The following RGS8 variants were observed in gnomAD, a reference collection of about 807,000 sequenced individuals.
RGS8 encodes regulator of G protein signaling 8, also known as regulator of G-protein signaling 8.
A neutral mutation model predicts 21.7 loss-of-function variants in RGS8; 8 were observed. The ratio of observed to expected loss-of-function variants is 0.37; its 90% CI spans 0.22 to 0.66. The LOEUF (loss-of-function observed/expected upper bound fraction) is 0.66. Ranked by LOEUF, RGS8 falls within the 30% of genes least tolerant of loss-of-function variation. The probability of loss-of-function intolerance (pLI) is 0.59; values close to 1 mark genes in which losing one functional copy is unlikely to be tolerated. For synonymous variants in RGS8, 80 were observed against 83.6 expected, an observed-to-expected ratio of 0.96 and a Z score of 0.24; for missense variants, 157 against 217.9, an observed-to-expected ratio of 0.72 and a Z score of 1.76.
the RGS8 span, among the ~76,000 whole-genome samples, chr1:182,742,396 G>A: frequency 6.6e-6 from 1 of 151,970 alleles, no homozygotes; most frequent in Admixed American, 6.6e-5. Context: ...GCGGCTGGGA[G>A]GTGGAGGTTG....
chr1:182,741,253 C>G, the RGS8 span, among the ~76,000 whole-genome samples: 51 of 135,960 alleles, frequency 3.8e-4, 1 homozygote, highest in African/African-American at 2.0e-4. Flanking sequence ...TCCCAGTAGG[C>G]GCGGCCGGGC....
the RGS8 span, among the ~76,000 whole-genome samples, chr1:182,709,341 C>T: frequency 6.6e-6 from 1 of 152,170 alleles, no homozygotes; most frequent in Non-Finnish European, 1.5e-5. Context: ...TGCACACACA[C>T]ATGTATTCTC....
intron 3 of RGS8, among the ~76,000 whole-genome samples, chr1:182,667,889 C>G (rs562652254): frequency 6.6e-6 from 1 of 151,896 alleles, no homozygotes; most frequent in East Asian, 1.9e-4. Context: ...GCTATATTAC[C>G]CAGGCTGGTC....
At chr1:182,751,611 A>G in the RGS8 span, among the ~76,000 whole-genome samples, 143 of 135,940 alleles carry the variant, frequency 1.1e-3, no homozygotes, top group African/African-American at 3.5e-3. Context: ...TACATTTAAT[A>G]TTTTTTTCTA....
At chr1:182,739,482 C>A in the RGS8 span, among the ~76,000 whole-genome samples, 1 of 152,132 alleles carries the variant, frequency 6.6e-6, no homozygotes, top group Non-Finnish European at 1.5e-5. Flanking sequence ...CAGGCATACA[C>A]ACAGTTTCTG....
chr1:182,743,928 T>G, the RGS8 span, among the ~76,000 whole-genome samples: 2 of 152,168 alleles, frequency 1.3e-5, no homozygotes, highest in Admixed American at 6.5e-5. Flanking sequence ...TTATCCTGCT[T>G]TATTTTTCTT....
the RGS8 span, among the ~76,000 whole-genome samples, chr1:182,696,319 TATTTC>T: frequency 1.3e-5 from 2 of 152,240 alleles, no homozygotes; most frequent in African/African-American, 4.8e-5. Flanking sequence ...TTTTTTATTT[TATTTC>T]ATTTTATTTT....
Position 182,680,627 on chromosome 1 carries a change from T to TTCATTCAC in RGS8, n.221+3728_221+3729insGTGAATGA, listed in dbSNP as rs72319781. On this transcript the variant is annotated intron_variant and non_coding_transcript_variant, in intron 1 of 4. Transcript: ENST00000515211. ...ATCAAGGGCAGAAAGCATGGGTTCA[T>TTCATTCAC]TCATTCATTCATTCATCTGACTAAC... Among the ~76,000 whole-genome samples the TTCATTCAC allele has an allele frequency of 9.3e-3, 1,412 of 152,062 alleles. 20 individuals carry two copies. Among genetic ancestry groups the TTCATTCAC allele is most frequent in the African/African-American group, 0.032 (1,337 of 41,434 alleles).
At chr1:182,691,052 G>A in the RGS8 span, among the ~76,000 whole-genome samples, 1 of 152,294 alleles carries the variant, frequency 6.6e-6, no homozygotes. Context: ...CCAGACATGT[G>A]AGTGAGTTCA....
At chr1:182,677,907 T>A (rs575558375), upstream of RGS8, among the ~76,000 whole-genome samples, 2 of 152,326 alleles carry the variant, frequency 1.3e-5, no homozygotes, top group Admixed American at 1.3e-4. Flanking sequence ...GATTACACAG[T>A]GCTGCCTCGC....
chr1:182,729,527 C>T, the RGS8 span, among the ~76,000 whole-genome samples: 293 of 152,188 alleles, frequency 1.9e-3, 1 homozygote, highest in African/African-American at 6.5e-3. Flanking sequence ...TGAAAATGTG[C>T]GTTGTTCTGT....
the RGS8 span, among the ~76,000 whole-genome samples, chr1:182,695,400 A>T: frequency 6.6e-6 from 1 of 152,166 alleles, no homozygotes; most frequent in East Asian, 1.9e-4. Context: ...ATTTTAGCAC[A>T]CTCAGAGCTA....
chr1:182,667,046 T>C, intron 3 of RGS8, 73 bp from the exon 5 acceptor site: 7 of 1,211,230 alleles, frequency 5.8e-6, no homozygotes, highest in Admixed American at 1.7e-5. Flanking sequence ...ACAGGGCCCC[T>C]GGAGCTGCTG....
chr1:182,695,868 T>C, the RGS8 span, among the ~76,000 whole-genome samples: 3 of 152,198 alleles, frequency 2.0e-5, no homozygotes, highest in Non-Finnish European at 4.4e-5. Flanking sequence ...GTTATATACA[T>C]TCTGTATCTG....
chr1:182,677,818 C>T (rs957964110), upstream of RGS8, among the ~76,000 whole-genome samples: 1 of 152,066 alleles, frequency 6.6e-6, no homozygotes, highest in African/African-American at 2.4e-5. Flanking sequence ...TCTAAGCCTG[C>T]GATTCTTCCT....
intron 5 of RGS8, among the ~76,000 whole-genome samples, chr1:182,663,647 C>T (rs1265392061): frequency 1.3e-5 from 2 of 152,166 alleles, no homozygotes; most frequent in African/African-American, 2.4e-5. Context: ...CCTCCTGCCT[C>T]AGCCTCCCGA....
the RGS8 span, among the ~76,000 whole-genome samples, chr1:182,720,678 C>T: frequency 2.0e-5 from 3 of 152,104 alleles, no homozygotes; most frequent in Admixed American, 2.0e-4. Flanking sequence ...TCCTCTAGGG[C>T]TTTGCTTCTA....
At chr1:182,652,933 C>T (rs1475662775) in intron 5 of RGS8, among the ~76,000 whole-genome samples, 1 of 151,958 alleles carries the variant, frequency 6.6e-6, no homozygotes, top group Non-Finnish European at 1.5e-5. Flanking sequence ...GAATGAAGGC[C>T]TAGAATTAAG....
In RGS8 at chr1:182,666,983, G is replaced by A. The variant is rs375146670; in HGVS notation, c.27-10C>T. 49 of 1,601,928 alleles carry A rather than the reference G, an allele frequency of 3.1e-5. No individual in the cohort carries two copies. In the African/African-American group the frequency reaches 6.3e-4, roughly 21 times the overall value. Reference sequence around the variant, plus strand: ...CCTCATCCCTTTGTTCCTGCAACAAGCACAGGGGCAGAAGGACGGGGAAAC... The same window carrying A: ...CCTCATCCCTTTGTTCCTGCAACAAACACAGGGGCAGAAGGACGGGGAAAC... On this transcript the variant is annotated splice_polypyrimidine_tract_variant and intron_variant, in intron 3 of 6. Coordinates refer to ENST00000483095, the Ensembl canonical transcript of RGS8.
Sources: gnomAD v4.1 joint callset for allele counts (sites outside exome capture counted in the v4.1 genomes callset) on GRCh38, gnomAD v4.1.1 for gene constraint, MANE v1.5 for transcripts, NCBI Gene and HGNC (gene_info 2026-07-23, HGNC 2026-07-21) for gene names.